The following CCDC198 variants were observed in gnomAD, a reference collection of about 807,000 sequenced individuals.
The protein encoded by CCDC198 is factor associated with metabolism and energy.
Under a neutral mutation model 35.6 loss-of-function variants are expected in CCDC198, and 18 were observed. The ratio of observed to expected loss-of-function variants is 0.51; its 90% CI spans 0.35 to 0.75. CCDC198 has a LOEUF of 0.75. Ranked by LOEUF, CCDC198 falls within the 30% of genes least tolerant of loss-of-function variation. The pLI, the probability that CCDC198 is intolerant of heterozygous loss-of-function variation, is 0.01. For missense variants in CCDC198, 365 were observed against 343.7 expected (o/e 1.06, Z -0.49); for synonymous variants, 119 against 113.4 (o/e 1.05, Z -0.31).
At position 57,483,005 on chromosome 14, in the gene CCDC198, C is replaced by T. The variant is rs910298127; in HGVS notation, c.393+60G>A. 9.9e-6 allele frequency: 16 copies of T among 1,611,286 alleles called. No individual in the cohort carries two copies. In the African/African-American group the frequency reaches 1.1e-4, roughly 11 times the overall value. ...TGAAAGGACCAGTGTGCTCCAGTGC[C>T]CCAATCCTGTGTCGCCCACCCCCAG... On this transcript the variant is annotated intron_variant, in intron 3 of 5. Coordinates refer to ENST00000216445, the MANE Select transcript of CCDC198 (RefSeq NM_018168.4).
chr14:57,474,884 T>C lies in CCDC198; in HGVS notation c.656-3294A>G, dbSNP rs112537403. 1.3e-5 allele frequency among the ~76,000 whole-genome samples: 2 copies of C among 152,308 alleles called. 1 individual carries two copies. Among genetic ancestry groups the C allele is most frequent in the African/African-American group, 4.8e-5 (2 of 41,564 alleles). On this transcript the variant is annotated intron_variant, in intron 5 of 5. Transcript: ENST00000216445. Reference sequence around the variant, plus strand: ...AGAATCACGTAAAGCATGAAAACTGTTTGATGGTTGTGTATTTTATGTGTT... The same window carrying C: ...AGAATCACGTAAAGCATGAAAACTGCTTGATGGTTGTGTATTTTATGTGTT...
intron 2 of CCDC198, among the ~76,000 whole-genome samples, chr14:57,488,579 T>C (rs551328578): frequency 6.6e-6 from 1 of 152,134 alleles, no homozygotes; most frequent in East Asian, 1.9e-4. Context: ...GAATAAGACA[T>C]AGTCTTTGCA....
At chr14:57,491,766 A>G (rs561227632) in intron 1 of CCDC198, among the ~76,000 whole-genome samples, 84 of 152,260 alleles carry the variant, frequency 5.5e-4, no homozygotes, top group African/African-American at 2.0e-3. Context: ...CCAGCGCTGC[A>G]TGAATGAAGT....
chr14:57,485,111 G>C (rs2139528445), intron 2 of CCDC198, among the ~76,000 whole-genome samples: 1 of 152,292 alleles, frequency 6.6e-6, no homozygotes, highest in East Asian at 1.9e-4. Context: ...ATACAAATTT[G>C]GTGTGCAATA....
intron 4 of CCDC198, 145 bp from the exon 5 acceptor site, chr14:57,480,899 A>C: frequency 1.3e-6 from 1 of 777,508 alleles, no homozygotes; most frequent in Non-Finnish European, 2.0e-6. Flanking sequence ...TCTTTTTCCT[A>C]TTAGAAGGTA....
intron 2 of CCDC198, among the ~76,000 whole-genome samples, chr14:57,490,125 G>A (rs992237698): frequency 6.6e-6 from 1 of 152,068 alleles, no homozygotes; most frequent in Admixed American, 6.6e-5. Flanking sequence ...ATGAGCTCCA[G>A]TACCCCTGGG....
In CCDC198 at chr14:57,478,360, G is replaced by C. The variant is rs541418536; in HGVS notation, c.655+2235C>G. 16 of 653,876 alleles carry C rather than the reference G, an allele frequency of 2.4e-5. No individual in the cohort carries two copies. In the South Asian group the frequency reaches 9.6e-4, roughly 39 times the overall value. The allele number at this position is 653,876 out of a possible 1,614,324, so 40.5% of individuals were successfully genotyped here. On this transcript the variant is annotated intron_variant, in intron 5 of 5. Coordinates refer to ENST00000216445, the MANE Select transcript of CCDC198 (RefSeq NM_018168.4). The stretch of plus-strand genomic sequence containing the variant: ...TGAATTCTGGCTCTATCACCCTGGG[G>C]CGAATAGTAGCTCCTACCTTCTAGG...
At chr14:57,492,860 G>A (rs767591789) in intron 1 of CCDC198, among the ~76,000 whole-genome samples, 2 of 152,020 alleles carry the variant, frequency 1.3e-5, no homozygotes, top group African/African-American at 4.8e-5. Flanking sequence ...CATTTTACAT[G>A]GCTTATAAAA....
At chr14:57,481,304 T>C (rs1181056960) in intron 4 of CCDC198, among the ~76,000 whole-genome samples, 8 of 152,184 alleles carry the variant, frequency 5.3e-5, no homozygotes, top group African/African-American at 1.4e-4. Flanking sequence ...CAGAATGTCA[T>C]AGGAGCAAAC....
Position 57,493,514 on chromosome 14 carries a change from A to G in CCDC198, c.202T>C (p.Trp68Arg). 1 of 1,613,784 alleles carries G rather than the reference A, an allele frequency of 6.2e-7. No homozygotes were observed. Among genetic ancestry groups the G allele is most frequent in the South Asian group, 1.1e-5 (1 of 91,076 alleles). The change falls in exon 1 of 6, where the codon TGG becomes CGG. Residue 68 changes from tryptophan (W) to arginine (R), a missense_variant. Physicochemically the swap from Trp to Arg is moderately radical, Grantham distance 101. Transcript: ENST00000216445. ...TTACCTGTAGAATATCTTCCATACC[A>G]GTTTTCTTGTAAAGGTGGCAGCTGC... ...EGQLPPLQEN[W>R]YGRYSTASRD...
In CCDC198 at chr14:57,479,529, A is replaced by C. The variant is rs558777622; in HGVS notation, c.655+1066T>G. ...CAGTGCTTCTAGAACTTCAGTGTGC[A>C]TGAGAATCATCTGGCAATCTTGATA... On this transcript the variant is annotated intron_variant, in intron 5 of 5. Transcript: ENST00000216445. 3.9e-5 allele frequency among the ~76,000 whole-genome samples: 6 copies of C among 152,332 alleles called. No homozygotes were observed. The East Asian group carries it at 7.7e-4, about 20-fold the overall frequency.
chr14:57,471,260 G>A lies in CCDC198; in HGVS notation c.*95C>T. The stretch of plus-strand genomic sequence containing the variant: ...TCATTTCTTTTTACCAAAGTGATTT[G>A]CTGTCCTCAAAGTAATTCATATATC... On this transcript the variant is annotated 3_prime_UTR_variant, in exon 6 of 6. Coordinates refer to ENST00000216445, the MANE Select transcript of CCDC198 (RefSeq NM_018168.4). 1.2e-6 allele frequency: 1 copy of A among 835,554 alleles called. No individual in the cohort carries two copies. The highest frequency in any genetic ancestry group is 1.9e-6 in the Non-Finnish European group (1 of 530,226). The allele number at this position is 835,554 out of a possible 1,614,324, so 51.8% of individuals were successfully genotyped here. A position where few individuals can be genotyped will look rare whatever the true frequency, so the allele number is the denominator to read the frequency against.
chr14:57,480,280 T>A, intron 5 of CCDC198: 2 of 985,438 alleles, frequency 2.0e-6, no homozygotes, highest in Non-Finnish European at 2.4e-6. Context: ...TGCTTCATTC[T>A]CTCTAACCAC....
rs541246450 is a variant in CCDC198, at chr14:57,480,501, G to T, written c.655+94C>A. 8 of 1,422,930 alleles carry T rather than the reference G, an allele frequency of 5.6e-6. No individual in the cohort carries two copies. The East Asian group carries it at 6.9e-5, about 12-fold the overall frequency. The allele number at this position is 1,422,930 out of a possible 1,614,324, so 88.1% of individuals were successfully genotyped here. A position where few individuals can be genotyped will look rare whatever the true frequency, so the allele number is the denominator to read the frequency against. On this transcript the variant is annotated intron_variant, in intron 5 of 5. Coordinates refer to ENST00000216445, the MANE Select transcript of CCDC198 (RefSeq NM_018168.4). ...TCTCAGCAAGAGCTCAAAGCTGTTT[G>T]CTGTCTTCTCATCATGTCCCTCCCT...
intron 2 of CCDC198, among the ~76,000 whole-genome samples, chr14:57,484,912 A>G (rs895561676): frequency 1.3e-5 from 2 of 152,186 alleles, no homozygotes; most frequent in African/African-American, 2.4e-5. Flanking sequence ...CTAAGAGGAC[A>G]AAGATGATGG....
At chr14:57,478,655 T>C (rs966827720) in intron 5 of CCDC198, 1 of 995,074 alleles carries the variant, frequency 1.0e-6, no homozygotes, top group African/African-American at 1.7e-5. Context: ...TGAGGTTTTT[T>C]TCTTGGTTGT....
chr14:57,476,705 A>T (rs965341362), intron 5 of CCDC198, among the ~76,000 whole-genome samples: 2 of 152,178 alleles, frequency 1.3e-5, no homozygotes, highest in African/African-American at 4.8e-5. Context: ...ACCTTTCAAC[A>T]GGGGAACAAG....
intron 5 of CCDC198, chr14:57,480,186 C>A (rs771296932): frequency 1.8e-5 from 13 of 723,570 alleles, no homozygotes; most frequent in Non-Finnish European, 2.2e-5. Flanking sequence ...GAAAAGGGTG[C>A]AGTCAGGAAG....
At chr14:57,475,383 A>C (rs889849777) in intron 5 of CCDC198, 10 of 1,019,182 alleles carry the variant, frequency 9.8e-6, no homozygotes, top group Non-Finnish European at 1.2e-5. Flanking sequence ...TGAAGCTGAC[A>C]TTAAAATAAT....
Sources: allele counts gnomAD v4.1 joint callset (sites outside exome capture counted in the v4.1 genomes callset), GRCh38; gene constraint gnomAD v4.1.1; transcripts MANE v1.5; gene names NCBI Gene and HGNC (gene_info 2026-07-23, HGNC 2026-07-21).